The following CDH8 variants were observed in gnomAD, a reference collection of about 807,000 sequenced individuals.
CDH8 encodes the protein cadherin-8.
A neutral mutation model predicts 68.1 loss-of-function variants in CDH8; 17 were observed. That is an observed-to-expected ratio of 0.25 (90% confidence interval 0.17 to 0.37). The LOEUF (loss-of-function observed/expected upper bound fraction) is 0.37, where lower values mean the gene tolerates loss of function less well. Among genes scored for constraint, CDH8 ranks in the 10% least tolerant of loss-of-function variants. The probability of loss-of-function intolerance (pLI) is 1.00; values close to 1 mark genes in which losing one functional copy is unlikely to be tolerated. For missense variants in CDH8, 763 were observed against 999.3 expected (o/e 0.76, Z 3.19); for synonymous variants, 372 against 365.1 (o/e 1.02, Z -0.21).
At position 61,960,376 on chromosome 16, in the gene CDH8, CATGT is replaced by C. The variant is rs1466430730; in HGVS notation, c.253-58907_253-58904del. 2.2e-5 allele frequency among the ~76,000 whole-genome samples: 2 copies of C among 89,314 alleles called. 1 individual carries two copies. The highest frequency in any genetic ancestry group is 4.2e-5 in the Non-Finnish European group (2 of 47,994). 58.6% of individuals were successfully genotyped at this position (89,314 alleles called of 152,430 possible). ...GTGTGTGTATACACATACATATATA[CATGT>C]GTGTGTGTATACACATACATATATA... On this transcript the variant is annotated intron_variant, in intron 2 of 11. Coordinates refer to ENST00000577390, the MANE Select transcript of CDH8 (RefSeq NM_001796.5).
chr16:61,909,051 G>A (rs1224735403), intron 2 of CDH8, among the ~76,000 whole-genome samples: 1 of 150,994 alleles, frequency 6.6e-6, no homozygotes, highest in African/African-American at 2.4e-5. Context: ...TTGATCAAAT[G>A]AAAAGAACAT....
intron 2 of CDH8, among the ~76,000 whole-genome samples, chr16:61,987,905 T>G (rs911458646): frequency 6.6e-6 from 1 of 152,178 alleles, no homozygotes; most frequent in African/African-American, 2.4e-5. Context: ...CCTTATGAGG[T>G]ACGTAATATC....
At chr16:61,776,875 A>G (rs1046459430) in intron 8 of CDH8, among the ~76,000 whole-genome samples, 2 of 152,126 alleles carry the variant, frequency 1.3e-5, no homozygotes, top group African/African-American at 4.8e-5. Context: ...TTCAATGATG[A>G]AATAATCTGT....
At chr16:61,785,016 C>T (rs1361456116) in intron 8 of CDH8, among the ~76,000 whole-genome samples, 1 of 148,868 alleles carries the variant, frequency 6.7e-6, no homozygotes, top group Admixed American at 6.7e-5. Context: ...CCTAACATCA[C>T]AATTAAAAGA....
Position 61,789,462 on chromosome 16 carries a change from G to A in CDH8, c.1298C>T (p.Thr433Ile). 1 of 1,612,780 alleles carries A rather than the reference G, an allele frequency of 6.2e-7. No individual in the cohort carries two copies. Among genetic ancestry groups the A allele is most frequent in the Non-Finnish European group, 8.5e-7 (1 of 1,179,236 alleles). The change falls in exon 8 of 12, where the codon ACT becomes ATT. Residue 433 changes from threonine to isoleucine, a missense_variant. Physicochemically the swap from Thr to Ile is moderately conservative, Grantham distance 89 (BLOSUM62 -1). Coordinates refer to ENST00000577390, the MANE Select transcript of CDH8 (RefSeq NM_001796.5). ...SPIRFSIDRH[T>I]DLERQFNINA... ...AATGTTGAACTGCCTCTCCAGGTCA[G>A]TGTGCCGGTCGATGGAAAACCTACA...
intron 10 of CDH8, among the ~76,000 whole-genome samples, chr16:61,712,921 A>T (rs1964657597): frequency 1.3e-5 from 2 of 151,646 alleles, no homozygotes; most frequent in Admixed American, 1.3e-4. Flanking sequence ...TAAATAGAAT[A>T]TTGCAAACAA....
chr16:61,779,425 A>ATGTGTGTGTG (rs10539934), intron 8 of CDH8, among the ~76,000 whole-genome samples: 4,033 of 139,034 alleles, frequency 0.029, 75 homozygotes, highest in East Asian at 0.055. Context: ...ATGTTCGTTT[A>ATGTGTGTGTG]TGTGTGTGTG....
chr16:61,784,896 A>G (rs569892654), intron 8 of CDH8, among the ~76,000 whole-genome samples: 65 of 152,322 alleles, frequency 4.3e-4, no homozygotes, highest in Non-Finnish European at 7.9e-4. Flanking sequence ...CAACTAGAAC[A>G]AAGACACAAC....
At chr16:61,865,342 T>C (rs1329799944) in intron 3 of CDH8, among the ~76,000 whole-genome samples, 1 of 152,240 alleles carries the variant, frequency 6.6e-6, no homozygotes, top group Non-Finnish European at 1.5e-5. Context: ...ATTGTGTTTT[T>C]AGAATGAGCC....
chr16:62,026,406 A>G (rs1434059665), intron 1 of CDH8, among the ~76,000 whole-genome samples: 1 of 152,190 alleles, frequency 6.6e-6, no homozygotes, highest in Non-Finnish European at 1.5e-5. Flanking sequence ...TTTGAAAACC[A>G]CACTTTGCGA....
chr16:61,766,322 T>C lies in CDH8; in HGVS notation c.1414+23024A>G, dbSNP rs1200793910. 2.6e-5 allele frequency among the ~76,000 whole-genome samples: 4 copies of C among 152,042 alleles called. No individual in the cohort carries two copies. In the East Asian group the frequency reaches 7.7e-4, roughly 29 times the overall value. ...TCCAAATTGCTGCAAAAGATATTTCTTTTTTATGGCTGAGTAGTATTCCAT... is the reference window on the plus strand; with the variant it reads ...TCCAAATTGCTGCAAAAGATATTTCCTTTTTATGGCTGAGTAGTATTCCAT... On this transcript the variant is annotated intron_variant, in intron 8 of 11. Coordinates refer to ENST00000577390, the MANE Select transcript of CDH8 (RefSeq NM_001796.5).
intron 8 of CDH8, among the ~76,000 whole-genome samples, chr16:61,783,823 G>A (rs939498745): frequency 8.5e-5 from 13 of 152,122 alleles, no homozygotes; most frequent in Admixed American, 2.6e-4. Context: ...AGAATTTCAT[G>A]TCCAGCCAAA....
At chr16:61,713,790 C>A (rs1226090088) in intron 10 of CDH8, 51 bp downstream of exon 10, 2 of 949,844 alleles carry the variant, frequency 2.1e-6, no homozygotes. Context: ...GAAATTGCAT[C>A]CTATTTTCCA....
chr16:61,781,982 C>T (rs1489869711), intron 8 of CDH8, among the ~76,000 whole-genome samples: 1 of 152,186 alleles, frequency 6.6e-6, no homozygotes, highest in Non-Finnish European at 1.5e-5. Flanking sequence ...AGCTCTGTTT[C>T]TATCCAGAGC....
intron 10 of CDH8, among the ~76,000 whole-genome samples, chr16:61,690,505 C>G (rs913769057): frequency 6.6e-6 from 1 of 152,002 alleles, no homozygotes; most frequent in South Asian, 2.1e-4. Flanking sequence ...ATGATAAGAT[C>G]TTCAGGGTTT....
chr16:61,847,205 A>G (rs1962825655), intron 4 of CDH8, among the ~76,000 whole-genome samples: 1 of 152,014 alleles, frequency 6.6e-6, no homozygotes, highest in Non-Finnish European at 1.5e-5. Flanking sequence ...AACAACTATC[A>G]TGAGATGGGC....
At chr16:61,700,530 C>T (rs994448322) in intron 10 of CDH8, among the ~76,000 whole-genome samples, 1 of 152,092 alleles carries the variant, frequency 6.6e-6, no homozygotes, top group Non-Finnish European at 1.5e-5. Context: ...CCCCCCACCT[C>T]GGCCTACCAA....
chr16:61,925,954 G>C (rs749832475), intron 2 of CDH8, among the ~76,000 whole-genome samples: 1 of 152,076 alleles, frequency 6.6e-6, no homozygotes, highest in East Asian at 1.9e-4. Context: ...CGTATATTGA[G>C]AATCTACTAT....
chr16:61,819,056 A>C (rs1259236049), intron 6 of CDH8, among the ~76,000 whole-genome samples: 1 of 151,804 alleles, frequency 6.6e-6, no homozygotes, highest in Non-Finnish European at 1.5e-5. Flanking sequence ...GCATATTCAC[A>C]ATTTGCCAAT....
Sources: allele counts gnomAD v4.1 joint callset (sites outside exome capture counted in the v4.1 genomes callset), GRCh38; gene constraint gnomAD v4.1.1; transcripts MANE v1.5; gene names NCBI Gene and HGNC (gene_info 2026-07-23, HGNC 2026-07-21).